The following MARCHF1 variants were observed in gnomAD, a reference collection of about 807,000 sequenced individuals.
MARCHF1 encodes E3 ubiquitin-protein ligase MARCHF1.
A neutral mutation model predicts 54.2 loss-of-function variants in MARCHF1; 40 were observed. The ratio of observed to expected loss-of-function variants is 0.74; its 90% CI spans 0.57 to 0.96. The LOEUF is 0.96. Among genes scored for constraint, MARCHF1 ranks in the 40% least tolerant of loss-of-function variants. The pLI is 0.00. For missense variants in MARCHF1, 586 were observed against 656.5 expected, an observed-to-expected ratio of 0.89 and a Z score of 1.17; for synonymous variants, 236 against 236.3, an observed-to-expected ratio of 1.00 and a Z score of 0.01.
intron 3 of MARCHF1, among the ~76,000 whole-genome samples, chr4:163,899,951 T>G (rs1393951518): frequency 6.6e-6 from 1 of 152,012 alleles, no homozygotes; most frequent in East Asian, 1.9e-4. Context: ...TCCTTAGCCT[T>G]AAAGTATTTT....
intron 1 of MARCHF1, among the ~76,000 whole-genome samples, chr4:164,315,213 T>C (rs1165916681): frequency 1.4e-5 from 2 of 144,806 alleles, no homozygotes; most frequent in African/African-American, 5.1e-5. Flanking sequence ...AGCTTTCTTC[T>C]GTATTGGGTT....
intron 7 of MARCHF1, among the ~76,000 whole-genome samples, chr4:163,589,901 C>T (rs1292159302): frequency 6.6e-6 from 1 of 152,022 alleles, no homozygotes; most frequent in African/African-American, 2.4e-5. Flanking sequence ...ATTTTACTGG[C>T]ATTTTAGTAT....
intron 2 of MARCHF1, among the ~76,000 whole-genome samples, chr4:164,054,540 G>C (rs969497642): frequency 9.2e-5 from 14 of 152,038 alleles, no homozygotes; most frequent in Non-Finnish European, 1.6e-4. Context: ...GTCCAACAAT[G>C]ATAGACTGGA....
In MARCHF1 at chr4:164,148,203, G is replaced by A. The variant is rs530554344; in HGVS notation, c.-322-36541C>T. Among the ~76,000 whole-genome samples the A allele has an allele frequency of 7.3e-5, 11 of 151,508 alleles. No individual in the cohort carries two copies. The South Asian group carries it at 2.1e-3, about 29-fold the overall frequency. The stretch of plus-strand genomic sequence containing the variant: ...TTCAACCAAGAAACTATGTAACAGA[G>A]GACGAAAAAGATATTGGAACTACAA... On this transcript the variant is annotated intron_variant, in intron 1 of 9. Coordinates refer to ENST00000514618, the MANE Select transcript of MARCHF1 (RefSeq NM_001394959.1).
At chr4:163,651,809 TTA>T (rs969653294) in intron 5 of MARCHF1, among the ~76,000 whole-genome samples, 1 of 151,602 alleles carries the variant, frequency 6.6e-6, no homozygotes, top group African/African-American at 2.4e-5. Context: ...TTTTTTTTTT[TTA>T]AAGTTAGTCC....
intron 5 of MARCHF1, among the ~76,000 whole-genome samples, chr4:163,670,094 T>C (rs1247803240): frequency 3.3e-5 from 5 of 152,114 alleles, no homozygotes; most frequent in Admixed American, 3.3e-4. Flanking sequence ...TTCTTTAATA[T>C]CATTTATTAA....
chr4:163,642,889 A>C (rs1341721133), intron 5 of MARCHF1, among the ~76,000 whole-genome samples: 1 of 152,170 alleles, frequency 6.6e-6, no homozygotes, highest in Non-Finnish European at 1.5e-5. Context: ...AAGAAAATAG[A>C]AAATAAAATC....
chr4:164,273,564 T>C (rs1257325030), intron 1 of MARCHF1, among the ~76,000 whole-genome samples: 1 of 152,220 alleles, frequency 6.6e-6, no homozygotes, highest in Non-Finnish European at 1.5e-5. Context: ...TAATAAACCA[T>C]CTACGCTAAG....
At chr4:164,160,405 G>C (rs1362768094) in intron 1 of MARCHF1, among the ~76,000 whole-genome samples, 1 of 152,112 alleles carries the variant, frequency 6.6e-6, no homozygotes, top group African/African-American at 2.4e-5. Flanking sequence ...TCTAAACATA[G>C]ATAGGGTAAA....
At chr4:164,263,124 A>G (rs1184986650) in intron 1 of MARCHF1, among the ~76,000 whole-genome samples, 1 of 148,582 alleles carries the variant, frequency 6.7e-6, no homozygotes, top group Non-Finnish European at 1.5e-5. Context: ...TTCAAGGTAC[A>G]TGTGTGTACG....
At chr4:163,613,725 G>T (rs1193481754) in intron 5 of MARCHF1, 10 of 433,328 alleles carry the variant, frequency 2.3e-5, no homozygotes, top group Non-Finnish European at 3.1e-5. Context: ...AATACTTGAA[G>T]ATCCTATGAT....
intron 1 of MARCHF1, among the ~76,000 whole-genome samples, chr4:164,199,681 C>CACACACACACAGAGAGAGAGAG (rs1462208986): frequency 4.2e-5 from 2 of 47,640 alleles, no homozygotes; most frequent in African/African-American, 1.7e-4. Context: ...CACACACACA[C>CACACACACACAGAGAGAGAGAG]AGAGAGAGAG....
At chr4:164,267,148 CATT>C (rs754095235) in intron 1 of MARCHF1, among the ~76,000 whole-genome samples, 3 of 152,098 alleles carry the variant, frequency 2.0e-5, no homozygotes, top group Non-Finnish European at 2.9e-5. Context: ...GGTTCATTTC[CATT>C]AGACCAGAAA....
intron 4 of MARCHF1, among the ~76,000 whole-genome samples, chr4:163,821,667 T>C (rs1162257247): frequency 6.6e-6 from 1 of 152,014 alleles, no homozygotes; most frequent in East Asian, 1.9e-4. Flanking sequence ...TCCAATTTCA[T>C]TTAGAAATGA....
intron 2 of MARCHF1, among the ~76,000 whole-genome samples, chr4:164,106,965 T>C (rs1399165319): frequency 6.6e-6 from 1 of 152,106 alleles, no homozygotes; most frequent in Admixed American, 6.6e-5. Context: ...AGAAGATCTT[T>C]GCTATAGTTT....
intron 7 of MARCHF1, among the ~76,000 whole-genome samples, chr4:163,588,221 C>G (rs1486038597): frequency 6.6e-6 from 1 of 152,146 alleles, no homozygotes; most frequent in Non-Finnish European, 1.5e-5. Context: ...TTGGGTATAG[C>G]ACCACATATG....
rs1258241005 is a variant in MARCHF1 at position 163,811,189 on chromosome 4, CTG to C, written c.111+42830_111+42831del. Among the ~76,000 whole-genome samples the C allele has an allele frequency of 6.6e-5, 10 of 152,092 alleles. No individual in the cohort carries two copies. In the East Asian group the frequency reaches 1.9e-3, roughly 29 times the overall value. On this transcript the variant is annotated intron_variant, in intron 4 of 9. Coordinates refer to ENST00000514618, the MANE Select transcript of MARCHF1 (RefSeq NM_001394959.1). ...TGTCTTTTGTCTAATTTTACAAACT[CTG>C]TTCTTATTTTATAAACTCTAATTTG... is the stretch of plus-strand genomic sequence containing the variant.
chr4:164,163,607 A>G (rs79958689), intron 1 of MARCHF1, among the ~76,000 whole-genome samples: 3,172 of 152,018 alleles, frequency 0.021, 99 homozygotes, highest in East Asian at 0.16. Context: ...ACATAAAGCA[A>G]AACATACAAC....
At position 163,955,217 on chromosome 4, in the gene MARCHF1, A is replaced by C. The variant is rs528556224; in HGVS notation, c.-39+33284T>G. On this transcript the variant is annotated intron_variant, in intron 3 of 9. Coordinates refer to ENST00000514618, the MANE Select transcript of MARCHF1 (RefSeq NM_001394959.1). ...TCCTAATCCTTACTGAACATTAAAA[A>C]AAAAAAAAAAAAGAAAAGAAACACA... 4.6e-5 allele frequency among the ~76,000 whole-genome samples: 7 copies of C among 151,044 alleles called. No individual in the cohort carries two copies. The East Asian group carries it at 1.2e-3, about 25-fold the overall frequency.
Sources: gnomAD v4.1 joint callset for allele counts (sites outside exome capture counted in the v4.1 genomes callset) on GRCh38, gnomAD v4.1.1 for gene constraint, MANE v1.5 for transcripts, NCBI Gene and HGNC (gene_info 2026-07-23, HGNC 2026-07-21) for gene names.